TMEM132C: variants seen among roughly 807,000 people sequenced by gnomAD.
The protein encoded by TMEM132C is transmembrane protein 132C.
In TMEM132C, 29 loss-of-function variants were observed where a neutral mutation model predicts 61.4. The observed-to-expected ratio is 0.47, with a 90% CI of 0.35 to 0.64. TMEM132C has a LOEUF of 0.64. Among genes scored for constraint, TMEM132C ranks in the 30% least tolerant of loss-of-function variants. TMEM132C has a pLI of 0.00. For missense variants in TMEM132C, 1,408 were observed against 1,476.9 expected (o/e 0.95, Z 0.76); for synonymous variants, 656 against 633.1 (o/e 1.04, Z -0.54).
intron 1 of TMEM132C, among the ~76,000 whole-genome samples, chr12:128,293,722 C>G (rs1046309547): frequency 1.3e-5 from 2 of 152,048 alleles, no homozygotes; most frequent in African/African-American, 4.8e-5. Flanking sequence ...CTCCTAAGGT[C>G]GAGAGTGATT....
At chr12:128,491,378 G>A (rs535772163) in intron 2 of TMEM132C, among the ~76,000 whole-genome samples, 18 of 152,214 alleles carry the variant, frequency 1.2e-4, no homozygotes, top group Admixed American at 8.5e-4. Context: ...TGCTTCCGGC[G>A]GCCCTGCCTT....
intron 1 of TMEM132C, among the ~76,000 whole-genome samples, chr12:128,323,797 A>G (rs1872416577): frequency 6.6e-6 from 1 of 152,112 alleles, no homozygotes; most frequent in Admixed American, 6.5e-5. Flanking sequence ...CTCAGGCTGG[A>G]GTCTTTGAGG....
intron 2 of TMEM132C, among the ~76,000 whole-genome samples, chr12:128,483,944 C>T (rs982969546): frequency 1.3e-5 from 2 of 152,202 alleles, no homozygotes; most frequent in Admixed American, 6.5e-5. Context: ...TTGCTGTGAT[C>T]TATGCTCTTG....
chr12:128,616,141 C>A lies in TMEM132C; in HGVS notation c.1122-11C>A. 6.5e-7 allele frequency: 1 copy of A among 1,548,844 alleles called. No homozygotes were observed. Among genetic ancestry groups the A allele is most frequent in the Non-Finnish European group, 8.7e-7 (1 of 1,145,612 alleles). The stretch of plus-strand genomic sequence containing the variant: ...AGTTGGCTTAAAGCCAGTTTCTTTT[C>A]TCTCTTCCAGGAGCAGCAGTTTATT... On this transcript the variant is annotated splice_polypyrimidine_tract_variant and intron_variant, in intron 3 of 8. Coordinates refer to ENST00000435159, the MANE Select transcript of TMEM132C (RefSeq NM_001136103.3).
At chr12:128,268,886 A>AGG (rs144707523) in intron 1 of TMEM132C, among the ~76,000 whole-genome samples, 4 of 102,190 alleles carry the variant, frequency 3.9e-5, no homozygotes, top group East Asian at 3.4e-4. Flanking sequence ...GGGGTGAGAG[A>AGG]GGGGGGGGAA....
intron 4 of TMEM132C, among the ~76,000 whole-genome samples, chr12:128,639,930 TAA>T: frequency 6.6e-6 from 1 of 152,242 alleles, no homozygotes; most frequent in African/African-American, 2.4e-5. Flanking sequence ...GTCAGAATCT[TAA>T]GATGAATTTT....
intron 2 of TMEM132C, among the ~76,000 whole-genome samples, chr12:128,489,621 C>T (rs139867124): frequency 2.0e-5 from 3 of 148,120 alleles, no homozygotes; most frequent in African/African-American, 7.4e-5. Flanking sequence ...TTGTTTAAAT[C>T]TTTAGGTCTG....
chr12:128,352,475 G>A (rs1172075847), intron 1 of TMEM132C, among the ~76,000 whole-genome samples: 1 of 152,170 alleles, frequency 6.6e-6, no homozygotes, highest in African/African-American at 2.4e-5. Context: ...TGAGATTTGG[G>A]TGGGAACACA....
Position 128,313,581 on chromosome 12 carries a change from G to A in TMEM132C, c.85+46094G>A, listed in dbSNP as rs371416689. Among the ~76,000 whole-genome samples, 33 of 152,338 alleles carry A rather than the reference G, an allele frequency of 2.2e-4. No homozygotes were observed. In the East Asian group the frequency reaches 4.4e-3, roughly 21 times the overall value. ...TAAGGACTTGCTGGCCCAAACAGCA[G>A]CAGAACTTTCTTTTCTCCAAGGTCC... On this transcript the variant is annotated intron_variant, in intron 1 of 8. Coordinates refer to ENST00000435159, the MANE Select transcript of TMEM132C (RefSeq NM_001136103.3).
chr12:128,691,116 C>G (rs555081879), intron 5 of TMEM132C, among the ~76,000 whole-genome samples: 1 of 152,212 alleles, frequency 6.6e-6, no homozygotes, highest in African/African-American at 2.4e-5. Flanking sequence ...ATGCTAAGTG[C>G]TATGTGAGGG....
chr12:128,353,160 A>G (rs1873394216), intron 1 of TMEM132C, among the ~76,000 whole-genome samples: 1 of 152,222 alleles, frequency 6.6e-6, no homozygotes, highest in African/African-American at 2.4e-5. Flanking sequence ...GGTTGAGACC[A>G]GGAGGAAATA....
At chr12:128,318,948 T>A (rs76425083) in intron 1 of TMEM132C, among the ~76,000 whole-genome samples, 207 of 152,316 alleles carry the variant, frequency 1.4e-3, no homozygotes, top group African/African-American at 4.9e-3. Context: ...GCAAAAACAC[T>A]TCCCCCCAGA....
intron 1 of TMEM132C, among the ~76,000 whole-genome samples, chr12:128,268,886 A>AG (rs144707523): frequency 0.014 from 1,429 of 102,152 alleles, 34 homozygotes; most frequent in East Asian, 0.053. Context: ...GGGGTGAGAG[A>AG]GGGGGGGGAA....
At chr12:128,454,948 G>C (rs924623064) in intron 2 of TMEM132C, among the ~76,000 whole-genome samples, 1 of 152,222 alleles carries the variant, frequency 6.6e-6, no homozygotes, top group Admixed American at 6.5e-5. Flanking sequence ...GAGAGGCATA[G>C]AGCAGGTGGG....
chr12:128,373,874 C>T (rs961327531), intron 1 of TMEM132C, among the ~76,000 whole-genome samples: 5 of 152,182 alleles, frequency 3.3e-5, no homozygotes, highest in African/African-American at 1.2e-4. Flanking sequence ...CCAGAGATGG[C>T]CTTGCGTGCT....
chr12:128,466,999 G>T (rs1870757669), intron 2 of TMEM132C, among the ~76,000 whole-genome samples: 2 of 152,160 alleles, frequency 1.3e-5, no homozygotes, highest in African/African-American at 4.8e-5. Flanking sequence ...GAAGGAGTAG[G>T]ATTTCAACAT....
Position 128,705,275 on chromosome 12 carries a change from C to A in TMEM132C, c.2307C>A (p.Ile769=). 1 of 1,551,622 alleles carries A rather than the reference C, an allele frequency of 6.4e-7. No individual in the cohort carries two copies. The highest frequency in any genetic ancestry group is 8.7e-7 in the Non-Finnish European group (1 of 1,146,982). Residue 769 remains isoleucine (I), a synonymous_variant, in exon 9 of 9, where the codon ATC becomes ATA. Transcript: ENST00000435159. ...VAEGEGQGPL[I]RVDMTIAEAC... is the part of the protein sequence containing the mutation. ...AAGGGGAAGGCCAGGGCCCACTGATCCGAGTGGACATGACGATCGCCGAGG... is the reference window on the plus strand; with the variant it reads ...AAGGGGAAGGCCAGGGCCCACTGATACGAGTGGACATGACGATCGCCGAGG...
chr12:128,667,233 G>A (rs1488335380), intron 4 of TMEM132C, among the ~76,000 whole-genome samples: 1 of 152,284 alleles, frequency 6.6e-6, no homozygotes, highest in East Asian at 1.9e-4. Context: ...GCATGTGTGC[G>A]TGTAGTTGCA....
At chr12:128,295,522 G>T (rs555806694) in intron 1 of TMEM132C, among the ~76,000 whole-genome samples, 21 of 150,450 alleles carry the variant, frequency 1.4e-4, no homozygotes, top group Non-Finnish European at 2.5e-4. Flanking sequence ...GATGTCCAGG[G>T]CGTCCTGTCT....
Sources: gnomAD v4.1 joint callset for allele counts (sites outside exome capture counted in the v4.1 genomes callset) on GRCh38, gnomAD v4.1.1 for gene constraint, MANE v1.5 for transcripts, NCBI Gene and HGNC (gene_info 2026-07-23, HGNC 2026-07-21) for gene names.